The following PPFIA2 variants were observed in gnomAD, a reference collection of about 807,000 sequenced individuals.
PPFIA2 encodes liprin-alpha-2.
PPFIA2 carries 46 observed loss-of-function variants against 175.5 expected under a neutral mutation model. That is an observed-to-expected ratio of 0.26 (90% CI 0.21 to 0.34). PPFIA2 has a LOEUF of 0.34. Ranked by LOEUF, PPFIA2 falls within the 10% of genes least tolerant of loss-of-function variation. The probability of loss-of-function intolerance (pLI) is 1.00; values close to 1 mark genes in which losing one functional copy is unlikely to be tolerated. For missense variants in PPFIA2, 1,179 were observed against 1,506.1 expected, an observed-to-expected ratio of 0.78 and a Z score of 3.60; for synonymous variants, 568 against 511.4, an observed-to-expected ratio of 1.11 and a Z score of -1.49.
intron 4 of PPFIA2, among the ~76,000 whole-genome samples, chr12:81,466,239 T>C (rs2055598280): frequency 6.6e-6 from 1 of 152,216 alleles, no homozygotes; most frequent in Non-Finnish European, 1.5e-5. Flanking sequence ...TTTATGTATC[T>C]ATATTCTAAT....
intron 4 of PPFIA2, among the ~76,000 whole-genome samples, chr12:81,607,186 T>A (rs974790068): frequency 1.3e-5 from 2 of 152,126 alleles, no homozygotes; most frequent in Non-Finnish European, 1.5e-5. Flanking sequence ...CCTGTACCAA[T>A]ACCATGCTGT....
intron 4 of PPFIA2, among the ~76,000 whole-genome samples, chr12:81,629,546 G>GATTAATC (rs1296409201): frequency 6.6e-6 from 1 of 152,110 alleles, no homozygotes. Flanking sequence ...CTTATGGAAG[G>GATTAATC]AGTGCTTAAT....
At chr12:81,494,597 T>C (rs2059812904) in intron 4 of PPFIA2, among the ~76,000 whole-genome samples, 1 of 151,932 alleles carries the variant, frequency 6.6e-6, no homozygotes, top group Non-Finnish European at 1.5e-5. Context: ...TTACTGGGTA[T>C]ATACCCAAAG....
At chr12:81,521,534 AAGTATTCAT>A (rs1485193307) in intron 4 of PPFIA2, among the ~76,000 whole-genome samples, 1 of 152,076 alleles carries the variant, frequency 6.6e-6, no homozygotes, top group African/African-American at 2.4e-5. Context: ...ACAGTGTTTG[AAGTATTCAT>A]AGCCTTTTGT....
chr12:81,405,416 TATATATGTAC>T (rs1426590598), intron 8 of PPFIA2, among the ~76,000 whole-genome samples: 1 of 152,012 alleles, frequency 6.6e-6, no homozygotes, highest in Non-Finnish European at 1.5e-5. Context: ...TAGTCCTGCC[TATATATGTAC>T]ATATATATAC....
At position 81,445,983 on chromosome 12, in the gene PPFIA2, A is replaced by G. The variant is rs555044244; in HGVS notation, c.406-263T>C. Among the ~76,000 whole-genome samples the G allele has an allele frequency of 1.0e-3, 156 of 152,366 alleles. 1 individual carries two copies. The highest frequency in any genetic ancestry group is 3.3e-3 in the African/African-American group (138 of 41,594). On this transcript the variant is annotated intron_variant, in intron 5 of 32. Coordinates refer to ENST00000549396, the MANE Select transcript of PPFIA2 (RefSeq NM_003625.5). ...GTAATGCAGTCCTTTAGCAAATGTA[A>G]TAATTTCAGTACGAATTCAGCAGAA...
chr12:81,726,131 T>G lies in PPFIA2; in HGVS notation c.249+27842A>C, dbSNP rs192035260. On this transcript the variant is annotated intron_variant, in intron 3 of 32. Transcript: ENST00000549396. ...CCACCTATTACCATCTCTACTGATA[T>G]CCTATAACATCTCATTAACTATCAT... is the stretch of plus-strand genomic sequence containing the variant. 9.3e-5 allele frequency among the ~76,000 whole-genome samples: 14 copies of G among 151,292 alleles called. No homozygotes were observed. In the East Asian group the frequency reaches 2.3e-3, roughly 25 times the overall value.
chr12:81,311,258 A>T (rs1299713412), intron 22 of PPFIA2, among the ~76,000 whole-genome samples: 3 of 152,242 alleles, frequency 2.0e-5, no homozygotes, highest in African/African-American at 7.2e-5. Flanking sequence ...TTAGAAATCA[A>T]CCAGTAGTAC....
chr12:81,550,277 G>A (rs1347572538), intron 4 of PPFIA2, among the ~76,000 whole-genome samples: 1 of 151,964 alleles, frequency 6.6e-6, no homozygotes, highest in Admixed American at 6.6e-5. Context: ...GGGGCTCACA[G>A]ATTCACATAG....
intron 4 of PPFIA2, among the ~76,000 whole-genome samples, chr12:81,584,820 A>G (rs2074951046): frequency 7.7e-6 from 1 of 129,684 alleles, no homozygotes. Flanking sequence ...TATATACAAT[A>G]AATTTATTAT....
In PPFIA2 at chr12:81,424,617, A is replaced by G. The variant is rs1281666885; in HGVS notation, c.645+15355T>C. 3.1e-4 allele frequency among the ~76,000 whole-genome samples: 47 copies of G among 152,188 alleles called. 1 individual carries two copies. Among genetic ancestry groups the G allele is most frequent in the Admixed American group, 3.0e-3 (46 of 15,266 alleles). ...TTCTTTAGCAATAGAACTTTTGTAT[A>G]TGGCCATGAAAATAGAGATTGCATG... On this transcript the variant is annotated intron_variant, in intron 7 of 32. Coordinates refer to ENST00000549396, the MANE Select transcript of PPFIA2 (RefSeq NM_003625.5).
intron 4 of PPFIA2, among the ~76,000 whole-genome samples, chr12:81,584,062 A>G (rs373567631): frequency 2.4e-4 from 37 of 152,042 alleles, no homozygotes; most frequent in African/African-American, 8.7e-4. Flanking sequence ...ACAATCGTCT[A>G]TTAAAATATT....
rs748478469 is a variant in PPFIA2, at chr12:81,339,197, G to C, written c.2531C>G (p.Ala844Gly). Residue 844 changes from alanine to glycine, a missense_variant, in exon 21 of 33, where the codon GCT (alanine) becomes GGT (glycine). By Grantham distance (60) the Ala-to-Gly change is moderately conservative. This residue lies in a region of PPFIA2 where 223 missense variants were observed against 241.6 expected (regional missense o/e 0.92). Coordinates refer to ENST00000549396, the MANE Select transcript of PPFIA2 (RefSeq NM_003625.5). ...ATACTTACGGAGCTGCCCAAGTCGAGCTTTTTCTTTTTTACCAAACAAACG... is the reference window on the plus strand; with the variant it reads ...ATACTTACGGAGCTGCCCAAGTCGACCTTTTTCTTTTTTACCAAACAAACG... ...IGRLFGKKEK[A>G]RLGQLRGFME... is the part of the protein sequence containing the mutation. The C allele has an allele frequency of 3.7e-6, 6 of 1,600,656 alleles. No homozygotes were observed. The highest frequency in any genetic ancestry group is 8.5e-7 in the Non-Finnish European group (1 of 1,173,850).
intron 4 of PPFIA2, among the ~76,000 whole-genome samples, chr12:81,468,935 A>G (rs867695023): frequency 2.0e-5 from 3 of 152,132 alleles, no homozygotes; most frequent in Admixed American, 2.0e-4. Context: ...GAGTAAAAGA[A>G]GCAAACCATG....
chr12:81,372,622 A>C (rs2035437313), intron 11 of PPFIA2, among the ~76,000 whole-genome samples: 2 of 151,346 alleles, frequency 1.3e-5, no homozygotes, highest in Admixed American at 1.3e-4. Flanking sequence ...AAAGGAATGA[A>C]AGAGTGATCC....
chr12:81,557,903 T>C (rs568576361), intron 4 of PPFIA2, among the ~76,000 whole-genome samples: 59 of 152,190 alleles, frequency 3.9e-4, no homozygotes, highest in African/African-American at 1.3e-3. Context: ...ATTTTTCTAA[T>C]ACCATCTGAG....
intron 22 of PPFIA2, among the ~76,000 whole-genome samples, chr12:81,324,356 T>C (rs2054303222): frequency 6.6e-6 from 1 of 152,054 alleles, no homozygotes; most frequent in Non-Finnish European, 1.5e-5. Flanking sequence ...ACTAATGAAG[T>C]ATGCAATGCA....
At chr12:81,434,314 T>C (rs1442654868) in intron 7 of PPFIA2, among the ~76,000 whole-genome samples, 2 of 152,080 alleles carry the variant, frequency 1.3e-5, no homozygotes, top group Non-Finnish European at 2.9e-5. Context: ...TATAAGTACA[T>C]ATTATAGATG....
intron 4 of PPFIA2, among the ~76,000 whole-genome samples, chr12:81,636,269 T>A (rs900081561): frequency 2.0e-5 from 3 of 148,774 alleles, no homozygotes; most frequent in East Asian, 2.0e-4. Context: ...TCTGATTTTT[T>A]TTTTTTTTTT....
Sources: gnomAD v4.1 joint callset for allele counts (sites outside exome capture counted in the v4.1 genomes callset) on GRCh38, gnomAD v4.1.1 for gene constraint, gnomAD v4.1.1 regional missense constraint, MANE v1.5 for transcripts, NCBI Gene and HGNC (gene_info 2026-07-23, HGNC 2026-07-21) for gene names.